The following LRP2 variants were observed in gnomAD, a reference collection of about 807,000 sequenced individuals.
LRP2 encodes low-density lipoprotein receptor-related protein 2.
Under a neutral mutation model 531.0 loss-of-function variants are expected in LRP2, and 172 were observed. That is an observed-to-expected ratio of 0.32 (90% CI 0.29 to 0.37). The LOEUF (loss-of-function observed/expected upper bound fraction) is 0.37. Ranked by LOEUF, LRP2 falls within the 10% of genes least tolerant of loss-of-function variation. LRP2 has a pLI of 1.00. For synonymous variants in LRP2, 1,992 were observed against 2,027.6 expected (o/e 0.98, Z 0.47); for missense variants, 5,167 against 5,868.3 (o/e 0.88, Z 3.90).
In LRP2 at chr2:169,272,919, C is replaced by A; in HGVS notation, c.2116+8G>T. On this transcript the variant is annotated splice_region_variant and intron_variant, in intron 15 of 78. Transcript: ENST00000649046. ...ACCTGCCAACAACGTCCAAAACAGA[C>A]TTCTTACCAATGCAGTGGCGCTCAT... 3 of 1,613,592 alleles carry A rather than the reference C, an allele frequency of 1.9e-6. No homozygotes were observed. The highest frequency in any genetic ancestry group is 2.5e-6 in the Non-Finnish European group (3 of 1,179,656).
At chr2:169,247,258 A>T in intron 20 of LRP2, 120 bp downstream of exon 20, 1 of 1,089,182 alleles carries the variant, frequency 9.2e-7, no homozygotes, top group Non-Finnish European at 1.3e-6. Context: ...GAACGACAAG[A>T]ATATAAAACT....
intron 65 of LRP2, among the ~76,000 whole-genome samples, chr2:169,155,241 G>A (rs929922650): frequency 1.3e-5 from 2 of 152,106 alleles, no homozygotes; most frequent in Admixed American, 1.3e-4. Flanking sequence ...TCCAATTTAA[G>A]TAACTTTTAA....
intron 1 of LRP2, among the ~76,000 whole-genome samples, chr2:169,328,536 T>C (rs184131977): frequency 8.7e-4 from 132 of 151,474 alleles, no homozygotes; most frequent in African/African-American, 3.1e-3. Context: ...TATAAGTTTA[T>C]TGGGGGCAAA....
At chr2:169,137,533 GAA>G in intron 75 of LRP2, 40 bp from the exon 76 acceptor site, 1 of 1,159,638 alleles carries the variant, frequency 8.6e-7, no homozygotes, top group African/African-American at 1.5e-5. Flanking sequence ...GAGAGAGAGA[GAA>G]ACAGAGAGAG....
At chr2:169,347,041 T>C (rs1280284636) in intron 1 of LRP2, among the ~76,000 whole-genome samples, 1 of 152,216 alleles carries the variant, frequency 6.6e-6, no homozygotes, top group Non-Finnish European at 1.5e-5. Flanking sequence ...AGTTGGCTTA[T>C]TTTCAAGACT....
chr2:169,259,236 A>G lies in LRP2; in HGVS notation c.2321-19T>C. On this transcript the variant is annotated intron_variant, in intron 16 of 78. Coordinates refer to ENST00000649046, the MANE Select transcript of LRP2 (RefSeq NM_004525.3). ...TCTCTTCCTATAAGTTAAAATATGGACATATTTTAAGCTAAGTATATTTTG... is the reference window on the plus strand; with the variant it reads ...TCTCTTCCTATAAGTTAAAATATGGGCATATTTTAAGCTAAGTATATTTTG... 6.4e-7 allele frequency: 1 copy of G among 1,574,314 alleles called. No homozygotes were observed. The highest frequency in any genetic ancestry group is 8.7e-7 in the Non-Finnish European group (1 of 1,144,824).
intron 61 of LRP2, among the ~76,000 whole-genome samples, chr2:169,167,069 C>T (rs1686813727): frequency 6.6e-6 from 1 of 152,120 alleles, no homozygotes. Context: ...TATTGGAAAC[C>T]TTTTAATGTA....
chr2:169,152,738 C>T (rs1224294188), intron 67 of LRP2, 61 bp downstream of exon 67: 6 of 1,577,604 alleles, frequency 3.8e-6, no homozygotes, highest in African/African-American at 1.3e-5. Context: ...CCATGGAGTG[C>T]AGTAGAGAAC....
At position 169,258,874 on chromosome 2, in the gene LRP2, G is replaced by A. The variant is rs1035148148; in HGVS notation, c.2513+151C>T. The A allele has an allele frequency of 5.0e-5, 37 of 739,270 alleles. No homozygotes were observed. In the Middle Eastern group the frequency reaches 8.2e-4, roughly 16 times the overall value. The allele number at this position is 739,270 out of a possible 1,614,324, so 45.8% of individuals were successfully genotyped here. On this transcript the variant is annotated intron_variant, in intron 17 of 78. Coordinates refer to ENST00000649046, the MANE Select transcript of LRP2 (RefSeq NM_004525.3). ...TACTCCCCCAGAATAAAGTTTTTTG[G>A]AGGAAAAAAGAAATAAAATTTAAGG...
In LRP2 at chr2:169,225,420, T is replaced by A; in HGVS notation, c.5428A>T (p.Asn1810Tyr). 6.2e-7 allele frequency: 1 copy of A among 1,614,080 alleles called. No individual in the cohort carries two copies. Among genetic ancestry groups the A allele is most frequent in the African/African-American group, 1.3e-5 (1 of 75,032 alleles). ...EIHRVKTDGT[N>Y]RTVFASISMV... ...GATATAGAAGCAAATACTGTCCTGTTGGTGCCATCTGTCTTCACTCTGTGA... is the reference window on the plus strand; with the variant it reads ...GATATAGAAGCAAATACTGTCCTGTAGGTGCCATCTGTCTTCACTCTGTGA... Residue 1810 changes from asparagine (N) to tyrosine (Y), a missense_variant, in exon 33 of 79, where the codon AAC becomes TAC. Asn to Tyr is a moderately radical substitution (Grantham distance 143). This residue lies in a region of LRP2 where 2,811 missense variants were observed against 3,058.0 expected (regional missense o/e 0.92). Transcript: ENST00000649046.
chr2:169,130,326 C>T (rs1280391554), intron 77 of LRP2, among the ~76,000 whole-genome samples: 2 of 145,566 alleles, frequency 1.4e-5, no homozygotes, highest in African/African-American at 2.6e-5. Context: ...CTCACTCTGT[C>T]GCCTAGGCTG....
intron 10 of LRP2, 98 bp from the exon 11 acceptor site, chr2:169,280,617 C>A: frequency 1.7e-6 from 2 of 1,204,522 alleles, no homozygotes; most frequent in East Asian, 2.5e-5. Context: ...CAAATGCTAT[C>A]TTCTAGGTTG....
intron 64 of LRP2, 54 bp downstream of exon 64, chr2:169,157,317 A>G: frequency 2.6e-6 from 4 of 1,557,354 alleles, no homozygotes; most frequent in Non-Finnish European, 3.5e-6. Context: ...GAGTGGGTGG[A>G]GAACCTTAGA....
At chr2:169,274,363 C>T (rs1168349605) in intron 14 of LRP2, among the ~76,000 whole-genome samples, 1 of 152,102 alleles carries the variant, frequency 6.6e-6, no homozygotes. Context: ...GCAGGAGGAT[C>T]GCTTGAAGCC....
chr2:169,298,169 C>A (rs1030651700), intron 4 of LRP2, among the ~76,000 whole-genome samples: 2 of 151,062 alleles, frequency 1.3e-5, no homozygotes, highest in Non-Finnish European at 3.0e-5. Flanking sequence ...TTACTTCAAG[C>A]GCTACCCACA....
intron 33 of LRP2, among the ~76,000 whole-genome samples, chr2:169,223,176 A>C (rs1190974875): frequency 6.6e-6 from 1 of 152,234 alleles, no homozygotes; most frequent in African/African-American, 2.4e-5. Flanking sequence ...TTTGGACTCC[A>C]AATCAAAATA....
At chr2:169,221,765 G>T (rs1235437869) in intron 33 of LRP2, among the ~76,000 whole-genome samples, 2 of 151,034 alleles carry the variant, frequency 1.3e-5, no homozygotes, top group African/African-American at 2.4e-5. Flanking sequence ...CTATTGTCTG[G>T]TATCTTTCAC....
chr2:169,162,621 A>C (rs1041185228), intron 62 of LRP2, 21 bp from the exon 63 acceptor site: 1 of 1,613,798 alleles, frequency 6.2e-7, no homozygotes, highest in African/African-American at 1.3e-5. Context: ...AAAACAAGTT[A>C]AAATCAAAAC....
chr2:169,228,719 T>C (rs974044533), intron 31 of LRP2, among the ~76,000 whole-genome samples: 1 of 152,116 alleles, frequency 6.6e-6, no homozygotes, highest in African/African-American at 2.4e-5. Flanking sequence ...TTACCACCAA[T>C]GAACATTTGC....
Sources: allele counts gnomAD v4.1 joint callset (sites outside exome capture counted in the v4.1 genomes callset), GRCh38; gene constraint gnomAD v4.1.1; regional missense constraint gnomAD v4.1.1; transcripts MANE v1.5; gene names NCBI Gene and HGNC (gene_info 2026-07-23, HGNC 2026-07-21).